PCDH15: variants seen among roughly 807,000 people sequenced by gnomAD.
The protein encoded by PCDH15 is protocadherin related 15, also known as protocadherin-15.
PCDH15 carries 129 observed loss-of-function variants against 178.5 expected under a neutral mutation model. That is an observed-to-expected ratio of 0.72 (90% CI 0.63 to 0.84). The LOEUF (loss-of-function observed/expected upper bound fraction) is 0.84. Ranked by LOEUF, PCDH15 falls within the 40% of genes least tolerant of loss-of-function variation. The pLI is 0.00. For missense variants in PCDH15, 2,230 were observed against 2,099.9 expected, an observed-to-expected ratio of 1.06 and a Z score of -1.21; for synonymous variants, 800 against 732.0, an observed-to-expected ratio of 1.09 and a Z score of -1.50.
intron 1 of PCDH15, among the ~76,000 whole-genome samples, chr10:54,694,777 C>A (rs935815668): frequency 2.0e-5 from 3 of 151,986 alleles, no homozygotes; most frequent in Non-Finnish European, 2.9e-5. Flanking sequence ...TCCAGAGGCA[C>A]ACAATATTCA....
At chr10:55,431,693 G>A (rs1225800998) in intron 2 of PCDH15, among the ~76,000 whole-genome samples, 2 of 152,024 alleles carry the variant, frequency 1.3e-5, no homozygotes, top group Non-Finnish European at 2.9e-5. Context: ...CACTAAATGA[G>A]TAAGCCGTTC....
intron 8 of PCDH15, among the ~76,000 whole-genome samples, chr10:54,286,254 A>T (rs965112316): frequency 2.6e-5 from 4 of 152,226 alleles, no homozygotes; most frequent in Non-Finnish European, 5.9e-5. Context: ...GATATGCTGT[A>T]TACCCTGAAA....
intron 3 of PCDH15, among the ~76,000 whole-genome samples, chr10:54,811,463 A>T (rs1053275389): frequency 3.9e-5 from 6 of 151,930 alleles, no homozygotes; most frequent in African/African-American, 7.2e-5. Context: ...TAGCTAAATA[A>T]TTTTTTTTAT....
intron 18 of PCDH15, among the ~76,000 whole-genome samples, chr10:54,058,531 A>C (rs1590168583): frequency 6.6e-6 from 1 of 152,006 alleles, no homozygotes; most frequent in African/African-American, 2.4e-5. Context: ...GTCACCTCCC[A>C]CCTGGTCCTT....
intron 1 of PCDH15, among the ~76,000 whole-genome samples, chr10:54,698,930 A>G (rs185273243): frequency 6.6e-6 from 1 of 152,154 alleles, no homozygotes; most frequent in Non-Finnish European, 1.5e-5. Flanking sequence ...TGTGTCCTCA[A>G]GAAGGGTTCC....
At chr10:54,218,388 G>T (rs1393174271) in intron 9 of PCDH15, among the ~76,000 whole-genome samples, 1 of 152,166 alleles carries the variant, frequency 6.6e-6, no homozygotes, top group Admixed American at 6.5e-5. Context: ...ACAATTTTAT[G>T]TTGAAGCCCT....
chr10:54,417,579 A>G (rs1168475599), intron 3 of PCDH15, among the ~76,000 whole-genome samples: 1 of 152,200 alleles, frequency 6.6e-6, no homozygotes, highest in East Asian at 1.9e-4. Context: ...CTAGCAAAAC[A>G]GGAAAAAATG....
intron 28 of PCDH15, among the ~76,000 whole-genome samples, chr10:53,850,680 C>T (rs1032234679): frequency 6.6e-6 from 1 of 151,974 alleles, no homozygotes; most frequent in African/African-American, 2.4e-5. Flanking sequence ...ATAGCTATTA[C>T]ATTCCTATTA....
chr10:55,253,032 T>A (rs1475408906), intron 1 of PCDH15, among the ~76,000 whole-genome samples: 1 of 152,094 alleles, frequency 6.6e-6, no homozygotes, highest in African/African-American at 2.4e-5. Flanking sequence ...TTTTATTAAA[T>A]AAGGCAAAAT....
intron 20 of PCDH15, among the ~76,000 whole-genome samples, chr10:53,997,939 A>G (rs1217210822): frequency 2.0e-5 from 3 of 152,184 alleles, no homozygotes. Context: ...CTAGTTGCAT[A>G]TAGTTTTTCC....
chr10:54,280,893 C>T lies in PCDH15; in HGVS notation c.876+36378G>A, dbSNP rs189967805. Reference sequence around the variant, plus strand: ...TTTGTCTATGAAATCACAATGTTTGCCCCAGTATCTTAATACAACTCTCAA... The same window carrying T: ...TTTGTCTATGAAATCACAATGTTTGTCCCAGTATCTTAATACAACTCTCAA... On this transcript the variant is annotated intron_variant, in intron 8 of 37. Coordinates refer to ENST00000644397, the MANE Select transcript of PCDH15 (RefSeq NM_001384140.1). Among the ~76,000 whole-genome samples the T allele has an allele frequency of 2.3e-3, 346 of 151,716 alleles. 3 individuals are homozygous for T. Among genetic ancestry groups the T allele is most frequent in the Middle Eastern group, 0.01 (3 of 294 alleles).
At chr10:53,876,932 G>A (rs966520845) in intron 26 of PCDH15, among the ~76,000 whole-genome samples, 22 of 152,098 alleles carry the variant, frequency 1.4e-4, no homozygotes, top group African/African-American at 4.8e-4. Context: ...ACAGGGCTGG[G>A]TTTCGGTTAG....
chr10:55,234,243 C>T (rs1841310142), intron 1 of PCDH15, among the ~76,000 whole-genome samples: 1 of 152,044 alleles, frequency 6.6e-6, no homozygotes, highest in Admixed American at 6.5e-5. Flanking sequence ...TGAAATCTAA[C>T]TTTTCTTTGA....
intron 3 of PCDH15, among the ~76,000 whole-genome samples, chr10:54,446,412 A>T (rs1226385551): frequency 1.3e-5 from 2 of 151,586 alleles, no homozygotes; most frequent in Non-Finnish European, 3.0e-5. Flanking sequence ...TTCCTTTGCT[A>T]ACTTTCAAGA....
chr10:54,026,677 C>T (rs2093106488), intron 18 of PCDH15, among the ~76,000 whole-genome samples: 1 of 152,194 alleles, frequency 6.6e-6, no homozygotes, highest in Non-Finnish European at 1.5e-5. Context: ...ACCAGCTTTG[C>T]ATCCCAGGGA....
chr10:54,784,840 T>A (rs1464997246), intron 1 of PCDH15, among the ~76,000 whole-genome samples: 1 of 152,124 alleles, frequency 6.6e-6, no homozygotes, highest in South Asian at 2.1e-4. Context: ...GTTTTGGTCT[T>A]GAATAATCTG....
chr10:54,398,138 G>A (rs1202358533), intron 3 of PCDH15, among the ~76,000 whole-genome samples: 1 of 151,490 alleles, frequency 6.6e-6, no homozygotes, highest in African/African-American at 2.4e-5. Flanking sequence ...CATGTAACTT[G>A]CTTTATTTTT....
chr10:54,628,014 C>T (rs2093603823), intron 2 of PCDH15, among the ~76,000 whole-genome samples: 1 of 152,192 alleles, frequency 6.6e-6, no homozygotes, highest in African/African-American at 2.4e-5. Context: ...ATTTAATTCT[C>T]ATATTTCCTC....
At chr10:54,250,439 C>T (rs531188189) in intron 8 of PCDH15, among the ~76,000 whole-genome samples, 51 of 151,652 alleles carry the variant, frequency 3.4e-4, no homozygotes, top group Middle Eastern at 3.4e-3. Context: ...CCCGCCACCA[C>T]GCCCGGCTAA....
Sources: allele counts gnomAD v4.1 joint callset (sites outside exome capture counted in the v4.1 genomes callset), GRCh38; gene constraint gnomAD v4.1.1; transcripts MANE v1.5; gene names NCBI Gene and HGNC (gene_info 2026-07-23, HGNC 2026-07-21).